TRIOBP: variants seen among roughly 807,000 people sequenced by gnomAD.
TRIOBP encodes TRIO and F-actin binding protein.
In TRIOBP, 169 loss-of-function variants were observed where a neutral mutation model predicts 238.8. The observed-to-expected ratio is 0.71, with a 90% CI of 0.62 to 0.80. The LOEUF is 0.80. Among genes scored for constraint, TRIOBP ranks in the 30% least tolerant of loss-of-function variants. TRIOBP has a pLI of 0.00. For synonymous variants in TRIOBP, 1,150 were observed against 1,274.4 expected (o/e 0.90, Z 2.08); for missense variants, 2,838 against 3,122.6 (o/e 0.91, Z 2.17).
intron 6 of TRIOBP, among the ~76,000 whole-genome samples, chr22:37,719,999 CCTTTTTTTTT>C (rs1923747134): frequency 3.0e-5 from 1 of 33,688 alleles, no homozygotes; most frequent in Non-Finnish European, 5.5e-5. Flanking sequence ...CCCCCCCCGC[CCTTTTTTTTT>C]TTTTTTTTTT....
chr22:37,700,010 C>T (rs1386411702), intron 2 of TRIOBP, among the ~76,000 whole-genome samples: 2 of 152,066 alleles, frequency 1.3e-5, no homozygotes, highest in African/African-American at 4.8e-5. Context: ...TCCCAAGTAG[C>T]TGGGACTACA....
Position 37,769,309 on chromosome 22 carries a change from C to G in TRIOBP, c.6783C>G (p.Phe2261Leu). ...AGGAGATAGACCAGCTGCGCGGCTTCATTGCCTCGCAGGGCATGGGCAATG... is the reference window on the plus strand; with the variant it reads ...AGGAGATAGACCAGCTGCGCGGCTTGATTGCCTCGCAGGGCATGGGCAATG... ...LSEEIDQLRG[F>L]IASQGMGNGC... The change falls in exon 21 of 24, where the codon TTC becomes TTG. Residue 2261 changes from phenylalanine to leucine, a missense_variant. Physicochemically the swap from Phe to Leu is conservative, Grantham distance 22. Transcript: ENST00000644935. 1 of 1,611,964 alleles carries G rather than the reference C, an allele frequency of 6.2e-7. No individual in the cohort carries two copies. Among genetic ancestry groups the G allele is most frequent in the African/African-American group, 1.3e-5 (1 of 75,048 alleles).
chr22:37,755,027 G>A, intron 13 of TRIOBP, 43 bp downstream of exon 13: 1 of 1,611,558 alleles, frequency 6.2e-7, no homozygotes, highest in Non-Finnish European at 8.5e-7. Context: ...AAGGGCCTGG[G>A]GTGGCCTGGC....
intron 17 of TRIOBP, among the ~76,000 whole-genome samples, chr22:37,761,698 G>T (rs530889332): frequency 2.0e-5 from 3 of 152,174 alleles, no homozygotes; most frequent in Non-Finnish European, 4.4e-5. Context: ...TGAGGCTGGG[G>T]CTGCTGCTCC....
chr22:37,721,127 C>A (rs1297476932), intron 6 of TRIOBP, among the ~76,000 whole-genome samples: 1 of 151,966 alleles, frequency 6.6e-6, no homozygotes, highest in Admixed American at 6.6e-5. Context: ...CCTCGGCCTC[C>A]CAAAGTGCTG....
intron 4 of TRIOBP, 103 bp from the exon 5 acceptor site, chr22:37,713,107 C>T (rs1353398513): frequency 2.4e-5 from 25 of 1,036,902 alleles, no homozygotes; most frequent in South Asian, 2.0e-4. Context: ...CCCACACCAG[C>T]GTGTGGGCCC....
intron 4 of TRIOBP, among the ~76,000 whole-genome samples, chr22:37,711,584 A>AC (rs1445014574): frequency 1.0e-4 from 4 of 39,186 alleles, no homozygotes; most frequent in Admixed American, 8.5e-4. Flanking sequence ...GTCTCAAAAA[A>AC]AAAAAAAACA....
intron 2 of TRIOBP, among the ~76,000 whole-genome samples, chr22:37,699,655 C>T (rs1271964136): frequency 1.3e-5 from 2 of 152,064 alleles, no homozygotes; most frequent in Admixed American, 1.3e-4. Flanking sequence ...GATTCTCCTG[C>T]CTCAGCCTCC....
At position 37,768,196 on chromosome 22, in the gene TRIOBP, C is replaced by T; in HGVS notation, c.6575+20C>T. ...GCACCAGTAAGATGATGCCGGGGCCCAACTGCCCACCCTGATGGTTATGGG... is the reference window on the plus strand; with the variant it reads ...GCACCAGTAAGATGATGCCGGGGCCTAACTGCCCACCCTGATGGTTATGGG... On this transcript the variant is annotated intron_variant, in intron 19 of 23. Transcript: ENST00000644935. 6.3e-7 allele frequency: 1 copy of T among 1,591,222 alleles called. No individual in the cohort carries two copies. The highest frequency in any genetic ancestry group is 1.1e-5 in the South Asian group (1 of 88,694).
At chr22:37,763,482 T>G (rs1425482238) in intron 17 of TRIOBP, among the ~76,000 whole-genome samples, 2 of 152,140 alleles carry the variant, frequency 1.3e-5, no homozygotes, top group Non-Finnish European at 2.9e-5. Context: ...CGTCCCCAGG[T>G]GTGGCTGCTG....
At chr22:37,760,110 C>T in intron 17 of TRIOBP, 1 of 154,346 alleles carries the variant, frequency 6.5e-6, no homozygotes. Flanking sequence ...TTTGTCGAAA[C>T]TTTACTGGTC....
intron 8 of TRIOBP, among the ~76,000 whole-genome samples, chr22:37,733,960 C>G (rs1444848783): frequency 6.6e-6 from 1 of 152,224 alleles, no homozygotes; most frequent in Non-Finnish European, 1.5e-5. Flanking sequence ...AACCACGGCA[C>G]CTGGCCAATA....
Position 37,774,705 on chromosome 22 carries a change from G to A in TRIOBP, c.*925G>A, listed in dbSNP as rs1202158721. The A allele has an allele frequency of 1.3e-5, 2 of 152,284 alleles. No homozygotes were observed. The highest frequency in any genetic ancestry group is 2.9e-5 in the Non-Finnish European group (2 of 68,098). 9.4% of individuals were successfully genotyped at this position (152,284 alleles called of 1,614,324 possible). ...CAGTGTGGCTTGCAGGCTAGTGGCA[G>A]CGGAAGCATGTGGGAAATAGCAAGT... is the stretch of plus-strand genomic sequence containing the variant. On this transcript the variant is annotated 3_prime_UTR_variant, in exon 24 of 24. Coordinates refer to ENST00000644935, the MANE Select transcript of TRIOBP (RefSeq NM_001039141.3).
intron 11 of TRIOBP, among the ~76,000 whole-genome samples, chr22:37,747,478 C>T (rs138806580): frequency 2.6e-3 from 396 of 152,144 alleles, no homozygotes; most frequent in African/African-American, 9.2e-3. Context: ...GCGGGCTGGG[C>T]TGCTGGGGGG....
intron 2 of TRIOBP, among the ~76,000 whole-genome samples, chr22:37,700,266 A>AT (rs35388184): frequency 0.61 from 81,553 of 134,556 alleles, 26,937 homozygotes; most frequent in East Asian, 0.83. Context: ...GGGAATCTAG[A>AT]TTTTTTTTTT....
At chr22:37,772,810 C>A in intron 23 of TRIOBP, 46 bp downstream of exon 23, 1 of 1,597,426 alleles carries the variant, frequency 6.3e-7, no homozygotes, top group Non-Finnish European at 8.5e-7. Context: ...GGGGCTGAGG[C>A]TCTCCCACAC....
rs114759311 is a variant in TRIOBP at position 37,721,600 on chromosome 22, C to T, written c.629-1585C>T. Among the ~76,000 whole-genome samples the T allele has an allele frequency of 9.8e-3, 1,498 of 152,310 alleles. 32 individuals are homozygous for T. The highest frequency in any genetic ancestry group is 0.034 in the African/African-American group (1,426 of 41,568). ...TCAGGCACTCCTCCGGCCTCAGCCTCCTAGGTAGCTGGGACTACAGGCACG... is the reference window on the plus strand; with the variant it reads ...TCAGGCACTCCTCCGGCCTCAGCCTTCTAGGTAGCTGGGACTACAGGCACG... On this transcript the variant is annotated intron_variant, in intron 6 of 23. Coordinates refer to ENST00000644935, the MANE Select transcript of TRIOBP (RefSeq NM_001039141.3).
chr22:37,764,998 C>G (rs1376132335), intron 17 of TRIOBP, among the ~76,000 whole-genome samples: 1 of 152,182 alleles, frequency 6.6e-6, no homozygotes, highest in Non-Finnish European at 1.5e-5. Context: ...AAAAAACATT[C>G]CAGGCCGGGC....
chr22:37,765,262 A>G (rs1226798366), intron 17 of TRIOBP, among the ~76,000 whole-genome samples: 1 of 152,180 alleles, frequency 6.6e-6, no homozygotes, highest in Non-Finnish European at 1.5e-5. Flanking sequence ...CCTGGGTGAC[A>G]GAACAAAACT....
Sources: allele counts gnomAD v4.1 joint callset (sites outside exome capture counted in the v4.1 genomes callset), GRCh38; gene constraint gnomAD v4.1.1; transcripts MANE v1.5; gene names NCBI Gene and HGNC (gene_info 2026-07-23, HGNC 2026-07-21).